The following THSD7A variants were observed in gnomAD, a reference collection of about 807,000 sequenced individuals.
THSD7A encodes the protein thrombospondin type 1 domain containing 7A.
In THSD7A, 96 loss-of-function variants were observed where a neutral mutation model predicts 231.3. That is an observed-to-expected ratio of 0.41 (90% CI 0.35 to 0.49). The LOEUF (loss-of-function observed/expected upper bound fraction) is 0.49. Ranked by LOEUF, THSD7A falls within the 20% of genes least tolerant of loss-of-function variation. THSD7A has a pLI of 0.05. For missense variants in THSD7A, 2,290 were observed against 2,070.2 expected (o/e 1.11, Z -2.06); for synonymous variants, 940 against 743.3 (o/e 1.26, Z -4.30).
chr7:11,443,204 A>G (rs1784858826), intron 13 of THSD7A, among the ~76,000 whole-genome samples: 2 of 152,114 alleles, frequency 1.3e-5, no homozygotes, highest in South Asian at 4.1e-4. Flanking sequence ...TTAAACAATT[A>G]TTTTAGTGAT....
At chr7:11,745,561 G>A (rs1332598256) in intron 1 of THSD7A, among the ~76,000 whole-genome samples, 4 of 151,946 alleles carry the variant, frequency 2.6e-5, no homozygotes, top group African/African-American at 9.7e-5. Flanking sequence ...TTTCTTCTAG[G>A]GTTTTTATGG....
intron 1 of THSD7A, among the ~76,000 whole-genome samples, chr7:11,817,114 G>A (rs549362239): frequency 1.0e-3 from 154 of 152,236 alleles, no homozygotes; most frequent in Non-Finnish European, 1.1e-3. Flanking sequence ...AGAAGATTTT[G>A]AACCACGTAT....
intron 16 of THSD7A, among the ~76,000 whole-genome samples, chr7:11,418,559 T>G (rs927860375): frequency 6.6e-6 from 1 of 152,224 alleles, no homozygotes; most frequent in African/African-American, 2.4e-5. Flanking sequence ...CTCTCAAGTC[T>G]CTCAAACCTA....
chr7:11,527,937 G>C (rs1788546678), intron 6 of THSD7A, among the ~76,000 whole-genome samples: 1 of 152,102 alleles, frequency 6.6e-6, no homozygotes, highest in African/African-American at 2.4e-5. Flanking sequence ...AGGATTGGTT[G>C]ATCCCAGGAG....
chr7:11,762,369 G>A (rs191027334), intron 1 of THSD7A, among the ~76,000 whole-genome samples: 7 of 152,126 alleles, frequency 4.6e-5, no homozygotes, highest in East Asian at 1.9e-4. Flanking sequence ...ATGTCTAGGC[G>A]GTTCCTTTCT....
At chr7:11,829,075 A>G (rs1448466032) in intron 1 of THSD7A, among the ~76,000 whole-genome samples, 2 of 152,084 alleles carry the variant, frequency 1.3e-5, no homozygotes, top group Non-Finnish European at 2.9e-5. Context: ...TATTGTAACA[A>G]TATAGTATAT....
chr7:11,667,182 T>C (rs1783171642), intron 1 of THSD7A, among the ~76,000 whole-genome samples: 1 of 152,074 alleles, frequency 6.6e-6, no homozygotes. Context: ...ATACCCAATA[T>C]ATAGTCTTTT....
intron 1 of THSD7A, among the ~76,000 whole-genome samples, chr7:11,665,369 G>A (rs925179113): frequency 2.6e-5 from 4 of 151,996 alleles, no homozygotes; most frequent in African/African-American, 4.8e-5. Context: ...AATATGGTAC[G>A]AGTAGAACTA....
intron 1 of THSD7A, among the ~76,000 whole-genome samples, chr7:11,822,871 G>A (rs1784915096): frequency 6.6e-6 from 1 of 151,926 alleles, no homozygotes; most frequent in Non-Finnish European, 1.5e-5. Flanking sequence ...TGGATGAATA[G>A]TTAGCAAATA....
chr7:11,769,046 C>T (rs2128170775), intron 1 of THSD7A, among the ~76,000 whole-genome samples: 1 of 144,332 alleles, frequency 6.9e-6, no homozygotes, highest in African/African-American at 2.5e-5. Flanking sequence ...CAACCTCTGC[C>T]TCCTGGATTC....
intron 1 of THSD7A, among the ~76,000 whole-genome samples, chr7:11,672,567 C>T (rs1410609872): frequency 2.0e-5 from 3 of 152,064 alleles, no homozygotes; most frequent in South Asian, 2.1e-4. Flanking sequence ...TTTAAAAGCA[C>T]ATAAATGTCA....
At chr7:11,678,494 A>G (rs1783733250) in intron 1 of THSD7A, among the ~76,000 whole-genome samples, 1 of 152,180 alleles carries the variant, frequency 6.6e-6, no homozygotes, top group African/African-American at 2.4e-5. Flanking sequence ...AATAGACCCA[A>G]TAAAAAATGA....
rs778344042 is a variant in THSD7A, at chr7:11,637,874, A to G, written c.191-913T>C. 6.6e-6 allele frequency among the ~76,000 whole-genome samples: 1 copy of G among 152,176 alleles called. No homozygotes were observed. Among genetic ancestry groups the G allele is most frequent in the Non-Finnish European group, 1.5e-5 (1 of 68,030 alleles). On this transcript the variant is annotated intron_variant, in intron 1 of 27. Coordinates refer to ENST00000423059, the MANE Select transcript of THSD7A (RefSeq NM_015204.3). This position sits in a 1 kb window ranked among gnomAD's most constrained non-coding sequence, Gnocchi z 4.2. ...AGATGATATGATTTTCAGTACTTTA[A>G]TAGACAGATCCCAATTTACGAAATT...
At chr7:11,585,092 C>T (rs556021130) in intron 4 of THSD7A, among the ~76,000 whole-genome samples, 2 of 152,308 alleles carry the variant, frequency 1.3e-5, no homozygotes, top group East Asian at 1.9e-4. Flanking sequence ...TGAGCTGCCT[C>T]ATGATATGTT....
intron 1 of THSD7A, among the ~76,000 whole-genome samples, chr7:11,767,169 T>C (rs1007846537): frequency 2.0e-5 from 3 of 152,180 alleles, no homozygotes; most frequent in Admixed American, 1.3e-4. Context: ...AGGGGTACAC[T>C]GTACATTCAT....
intron 3 of THSD7A, among the ~76,000 whole-genome samples, chr7:11,591,744 CAATTATAGAAACACGAAT>C (rs1780173311): frequency 6.6e-6 from 1 of 152,206 alleles, no homozygotes; most frequent in Non-Finnish European, 1.5e-5. Flanking sequence ...GCACTCAGGT[CAATTATAGAAACACGAAT>C]AATTGATGCC....
intron 2 of THSD7A, among the ~76,000 whole-genome samples, chr7:11,606,292 A>G (rs1049452483): frequency 6.6e-6 from 1 of 152,122 alleles, no homozygotes; most frequent in Admixed American, 6.6e-5. Context: ...CAGTAAGACC[A>G]TGTCACTGGA....
chr7:11,566,965 T>TAGCGGGGGGGGGGGGGGGGGGGGGGGG lies in THSD7A; in HGVS notation c.1453+23494_1453+23495insCCCCCCCCCCCCCCCCCCCCCCCCGCT. The stretch of plus-strand genomic sequence containing the variant: ...CAAAGTGGATCCAGCTGTGGGAGAG[T>TAGCGGGGGGGGGGGGGGGGGGGGGGGG]GGGGGGGGGACTGACCAACAAAGTT... On this transcript the variant is annotated intron_variant, in intron 4 of 27. Coordinates refer to ENST00000423059, the MANE Select transcript of THSD7A (RefSeq NM_015204.3). Among the ~76,000 whole-genome samples the TAGCGGGGGGGGGGGGGGGGGGGGGGGG allele has an allele frequency of 2.2e-5, 2 of 92,388 alleles. 1 individual carries two copies. The highest frequency in any genetic ancestry group is 1.1e-4 in the African/African-American group (2 of 18,074). The allele number at this position is 92,388 out of a possible 152,430, so 60.6% of individuals were successfully genotyped here. A position where few individuals can be genotyped will look rare whatever the true frequency, so the allele number is the denominator to read the frequency against.
intron 1 of THSD7A, among the ~76,000 whole-genome samples, chr7:11,791,051 A>T (rs1783936409): frequency 6.6e-6 from 1 of 152,006 alleles, no homozygotes; most frequent in Non-Finnish European, 1.5e-5. Flanking sequence ...CAAGCCTTGT[A>T]TAATGTTCTT....
Sources: allele counts gnomAD v4.1 joint callset (sites outside exome capture counted in the v4.1 genomes callset), GRCh38; gene constraint gnomAD v4.1.1; non-coding constraint Gnocchi (gnomAD v3.1); transcripts MANE v1.5; gene names NCBI Gene and HGNC (gene_info 2026-07-23, HGNC 2026-07-21).